The following ANKH variants were observed in gnomAD, a reference collection of about 807,000 sequenced individuals.
ANKH encodes ANKH inorganic pyrophosphate transport regulator, also known as mineralization regulator ANKH.
ANKH carries 15 observed loss-of-function variants against 49.0 expected under a neutral mutation model. The observed-to-expected ratio is 0.31, with a 90% confidence interval of 0.20 to 0.47. ANKH has a LOEUF of 0.47. Ranked by LOEUF, ANKH falls within the 20% of genes least tolerant of loss-of-function variation. The probability of loss-of-function intolerance (pLI) is 1.00; values close to 1 mark genes in which losing one functional copy is unlikely to be tolerated. For synonymous variants in ANKH, 273 were observed against 260.0 expected, an observed-to-expected ratio of 1.05 and a Z score of -0.48; for missense variants, 429 against 652.0, an observed-to-expected ratio of 0.66 and a Z score of 3.72.
chr5:14,718,831 C>CG (rs1000393287), intron 8 of ANKH, among the ~76,000 whole-genome samples: 8 of 140,600 alleles, frequency 5.7e-5, no homozygotes, highest in Admixed American at 1.4e-4. Flanking sequence ...CCAACACCAC[C>CG]CCCCCCCCAA....
rs2126436028 is a variant in ANKH, at chr5:14,725,598, GA to G, written c.1012-8764del. ...AATGTGATCCACGGATGTCACCTGT[GA>G]GTATTCCAGAAGGTTTCCTGGGACC... On this transcript the variant is annotated intron_variant, in intron 8 of 11. Transcript: ENST00000284268. This position sits in a 1 kb window ranked among gnomAD's most constrained non-coding sequence, Gnocchi z 4.0. Among the ~76,000 whole-genome samples the G allele has an allele frequency of 1.3e-5, 2 of 152,350 alleles. No homozygotes were observed. The highest frequency in any genetic ancestry group is 4.8e-5 in the African/African-American group (2 of 41,578).
chr5:14,764,428 C>T (rs1228036334), intron 2 of ANKH, among the ~76,000 whole-genome samples: 1 of 152,136 alleles, frequency 6.6e-6, no homozygotes, highest in East Asian at 1.9e-4. Flanking sequence ...GTTCAGCTGT[C>T]CCAACAGAGG....
At chr5:14,711,892 C>T (rs1737225076) in intron 11 of ANKH, among the ~76,000 whole-genome samples, 1 of 152,050 alleles carries the variant, frequency 6.6e-6, no homozygotes, top group Non-Finnish European at 1.5e-5. Context: ...CACTGCAGAC[C>T]TTGCCATTAT....
At position 14,725,903 on chromosome 5, in the gene ANKH, G is replaced by A. The variant is rs1469711678; in HGVS notation, c.1012-9068C>T. Among the ~76,000 whole-genome samples, 25 of 152,118 alleles carry A rather than the reference G, an allele frequency of 1.6e-4. No homozygotes were observed. Among genetic ancestry groups the A allele is most frequent in the Non-Finnish European group, 3.7e-4 (25 of 68,024 alleles). ...TGGGACTACAGGTACGTGCCACCAC[G>A]CCCAGCTAATTTTTGTATTTTTAGT... is the stretch of plus-strand genomic sequence containing the variant. On this transcript the variant is annotated intron_variant, in intron 8 of 11. Coordinates refer to ENST00000284268, the MANE Select transcript of ANKH (RefSeq NM_054027.6). The surrounding 1 kb of genome is among the most constrained non-coding windows in gnomAD (Gnocchi z 4.0).
Position 14,725,523 on chromosome 5 carries a change from C to T in ANKH, c.1012-8688G>A, listed in dbSNP as rs893330104. ...TGGCACTCATCTGCAAACCCCGAGC[C>T]TGCGAGCACTGCAGTTTGCATAAAC... On this transcript the variant is annotated intron_variant, in intron 8 of 11. Transcript: ENST00000284268. The surrounding 1 kb of genome is among the most constrained non-coding windows in gnomAD (Gnocchi z 4.0). 6.6e-6 allele frequency among the ~76,000 whole-genome samples: 1 copy of T among 152,232 alleles called. No homozygotes were observed. The highest frequency in any genetic ancestry group is 2.4e-5 in the African/African-American group (1 of 41,450).
intron 9 of ANKH, among the ~76,000 whole-genome samples, chr5:14,716,428 G>A (rs1344835129): frequency 1.3e-5 from 2 of 152,150 alleles, no homozygotes; most frequent in Non-Finnish European, 2.9e-5. Context: ...GGAGGCAGAG[G>A]TTGCAGTGAG....
intron 8 of ANKH, 68 bp downstream of exon 8, chr5:14,741,758 TA>T: frequency 8.4e-7 from 1 of 1,192,434 alleles, no homozygotes; most frequent in Non-Finnish European, 1.2e-6. Flanking sequence ...TTTCCCCCTT[TA>T]AAATAGCAAC....
chr5:14,830,147 A>C (rs1477610131), intron 1 of ANKH, among the ~76,000 whole-genome samples: 1 of 152,242 alleles, frequency 6.6e-6, no homozygotes, highest in African/African-American at 2.4e-5. Context: ...ATGGACGACT[A>C]CGAAGCAAGA....
At chr5:14,761,584 C>T (rs1739080803) in intron 2 of ANKH, among the ~76,000 whole-genome samples, 1 of 151,568 alleles carries the variant, frequency 6.6e-6, no homozygotes, top group South Asian at 2.1e-4. Context: ...TCACATCTCA[C>T]TCCCACCTTG....
Position 14,710,320 on chromosome 5 carries a change from T to G in ANKH, c.*877A>C, listed in dbSNP as rs758659695. The G allele has an allele frequency of 6.6e-6, 1 of 152,240 alleles. No homozygotes were observed. The highest frequency in any genetic ancestry group is 1.5e-5 in the Non-Finnish European group (1 of 68,048). The allele number at this position is 152,240 out of a possible 1,614,324, so 9.4% of individuals were successfully genotyped here. A position where few individuals can be genotyped will look rare whatever the true frequency, so the allele number is the denominator to read the frequency against. ...TTAGGATGCTCCATGTGACTCGCTC[T>G]AATGCGACCTTCAGGAAAGGCGAGG... On this transcript the variant is annotated 3_prime_UTR_variant, in exon 12 of 12. Transcript: ENST00000284268.
chr5:14,771,186 A>C (rs1739418848), intron 1 of ANKH, among the ~76,000 whole-genome samples: 1 of 152,230 alleles, frequency 6.6e-6, no homozygotes, highest in Non-Finnish European at 1.5e-5. Context: ...TCAAGAACTA[A>C]TCTTCAAACA....
At chr5:14,759,334 A>G (rs1430472627) in intron 2 of ANKH, among the ~76,000 whole-genome samples, 3 of 152,232 alleles carry the variant, frequency 2.0e-5, no homozygotes, top group African/African-American at 7.2e-5. Context: ...TCAAATAGGA[A>G]TAGGGAAGAA....
At chr5:14,833,105 A>G (rs1227152341) in intron 1 of ANKH, among the ~76,000 whole-genome samples, 2 of 152,200 alleles carry the variant, frequency 1.3e-5, no homozygotes, top group African/African-American at 4.8e-5. Flanking sequence ...TTGGCAACAA[A>G]CAGAACCACT....
chr5:14,764,726 T>C (rs139104360), intron 2 of ANKH, among the ~76,000 whole-genome samples: 1 of 152,360 alleles, frequency 6.6e-6, no homozygotes, highest in African/African-American at 2.4e-5. Flanking sequence ...TCACCCTTTA[T>C]AGAGCTGGTT....
At chr5:14,767,687 G>A (rs1739300444) in intron 2 of ANKH, among the ~76,000 whole-genome samples, 1 of 151,992 alleles carries the variant, frequency 6.6e-6, no homozygotes, top group Admixed American at 6.6e-5. Context: ...AGGGAATGTT[G>A]GATTATTTAT....
At chr5:14,735,093 G>A (rs1386632231) in intron 8 of ANKH, among the ~76,000 whole-genome samples, 1 of 152,182 alleles carries the variant, frequency 6.6e-6, no homozygotes, top group Non-Finnish European at 1.5e-5. Context: ...CTTAAATCTA[G>A]TCCTGGTACT....
chr5:14,804,225 C>T (rs923100557), intron 1 of ANKH, among the ~76,000 whole-genome samples: 3 of 152,140 alleles, frequency 2.0e-5, no homozygotes, highest in South Asian at 4.2e-4. Flanking sequence ...GACGAAGGAA[C>T]GGAGGCAGAG....
intron 1 of ANKH, among the ~76,000 whole-genome samples, chr5:14,809,238 T>C (rs1255332533): frequency 8.4e-6 from 1 of 118,968 alleles, no homozygotes; most frequent in Non-Finnish European, 1.7e-5. Context: ...TAATGCTAGA[T>C]GACACGTTAG....
chr5:14,773,737 C>T (rs916958369), intron 1 of ANKH, among the ~76,000 whole-genome samples: 2 of 152,168 alleles, frequency 1.3e-5, no homozygotes, highest in South Asian at 4.1e-4. Context: ...GGCTGACAGG[C>T]GCTTGAAAGC....
Sources: allele counts gnomAD v4.1 joint callset (sites outside exome capture counted in the v4.1 genomes callset), GRCh38; gene constraint gnomAD v4.1.1; non-coding constraint Gnocchi (gnomAD v3.1); transcripts MANE v1.5; gene names NCBI Gene and HGNC (gene_info 2026-07-23, HGNC 2026-07-21).